EEF2: variants seen among roughly 807,000 people sequenced by gnomAD.
The protein encoded by EEF2 is eukaryotic translation elongation factor 2.
EEF2 carries 21 observed loss-of-function variants against 85.3 expected under a neutral mutation model. That is an observed-to-expected ratio of 0.25 (90% CI 0.17 to 0.35). EEF2 has a LOEUF of 0.35. Ranked by LOEUF, EEF2 falls within the 10% of genes least tolerant of loss-of-function variation. The pLI is 1.00. For synonymous variants in EEF2, 723 were observed against 508.8 expected (o/e 1.42, Z -5.67); for missense variants, 825 against 1,225.3 (o/e 0.67, Z 4.88).
chr19:3,977,912 G>C lies in EEF2; in HGVS notation c.1974C>G (p.Gly658=). ...TGGTGATGTCGGTGAGGATGTTGGG[G>C]CCGGTGCCGTCGGGCCCAAAGCACC... ...KIWCFGPDGT[G]PNILTDITKG... The change falls in exon 12 of 15, where the codon GGC becomes GGG. Residue 658 remains glycine, a synonymous_variant. Transcript: ENST00000309311. This position sits in a 1 kb window ranked among gnomAD's most constrained non-coding sequence, Gnocchi z 5.4. The C allele has an allele frequency of 6.2e-7, 1 of 1,613,652 alleles. No homozygotes were observed. Among genetic ancestry groups the C allele is most frequent in the Middle Eastern group, 1.7e-4 (1 of 6,060 alleles).
intron 4 of EEF2, 144 bp from the exon 5 acceptor site, chr19:3,982,568 C>A (rs200026432): frequency 2.5e-6 from 3 of 1,199,740 alleles, no homozygotes; most frequent in Non-Finnish European, 3.7e-6. Flanking sequence ...TCAGTCATCA[C>A]GAATAGGGGG....
chr19:3,982,850 G>C lies in EEF2; in HGVS notation c.569C>G (p.Ser190Cys), dbSNP rs758785964. ...GCCGCTCTCGCCCTCGCCGTAGGTGGAGATGATGACGTTCACGTTCTCCAC... is the reference window on the plus strand; with the variant it reads ...GCCGCTCTCGCCCTCGCCGTAGGTGCAGATGATGACGTTCACGTTCTCCAC... ...RIVENVNVIISTYGEGESGPM... is the reference protein window; with the variant it reads ...RIVENVNVIICTYGEGESGPM... Residue 190 changes from serine (S) to cysteine (C), a missense_variant, in exon 4 of 15, where the codon TCC (serine) becomes TGC (cysteine). Physicochemically the swap from Ser to Cys is moderately radical, Grantham distance 112 (BLOSUM62 -1). Coordinates refer to ENST00000309311, the MANE Select transcript of EEF2 (RefSeq NM_001961.4). The C allele has an allele frequency of 6.2e-7, 1 of 1,613,526 alleles. No individual in the cohort carries two copies. Among genetic ancestry groups the C allele is most frequent in the South Asian group, 1.1e-5 (1 of 91,004 alleles).
chr19:3,982,768 G>A (rs770568466), intron 4 of EEF2, 39 bp downstream of exon 4: 74 of 1,580,094 alleles, frequency 4.7e-5, no homozygotes, highest in Admixed American at 7.1e-5. Context: ...TGCAGATCCC[G>A]CTGCGGCAAG....
intron 1 of EEF2, 96 bp downstream of exon 1, chr19:3,985,274 GTCTCCTCC>G: frequency 7.9e-7 from 1 of 1,258,052 alleles, no homozygotes; most frequent in South Asian, 2.2e-5. Context: ...CCGCCGCTAC[GTCTCCTCC>G]TGGCACGGGG....
chr19:3,984,048 AGT>A, intron 2 of EEF2, 86 bp downstream of exon 2: 1 of 1,415,970 alleles, frequency 7.1e-7, no homozygotes, highest in Non-Finnish European at 9.8e-7. Flanking sequence ...GACGTTGCCA[AGT>A]CTCTCCCCGC....
chr19:3,980,388 C>G (rs1599193807), intron 9 of EEF2, 126 bp downstream of exon 9: 4 of 1,242,806 alleles, frequency 3.2e-6, no homozygotes, highest in Admixed American at 2.8e-5. Context: ...TTGTGGCTGG[C>G]ACAAGTATCA....
At chr19:3,984,063 AC>A in intron 2 of EEF2, 72 bp downstream of exon 2, 1 of 1,541,010 alleles carries the variant, frequency 6.5e-7, no homozygotes, top group Non-Finnish European at 8.9e-7. Context: ...CTCCCCGCGC[AC>A]CCTGGCCCAG....
At chr19:3,980,460 C>G (rs993023581) in intron 9 of EEF2, 54 bp downstream of exon 9, 2 of 1,552,508 alleles carry the variant, frequency 1.3e-6, no homozygotes, top group African/African-American at 2.8e-5. Context: ...AGACTTGGAG[C>G]AGGGCAGGGC....
Position 3,977,202 on chromosome 19 carries a change from G to T in EEF2, c.2383+13C>A. ...CTGCCAGGCTCTGCAGGCCACACCG[G>T]GCAGGCACTCACCAAAGGACTCGTT... On this transcript the variant is annotated intron_variant, in intron 14 of 14. Transcript: ENST00000309311. The surrounding 1 kb of genome is among the most constrained non-coding windows in gnomAD (Gnocchi z 5.4). 6.2e-7 allele frequency: 1 copy of T among 1,612,336 alleles called. No homozygotes were observed. The highest frequency in any genetic ancestry group is 2.2e-5 in the East Asian group (1 of 44,854).
At chr19:3,979,624 C>G (rs562424419) in intron 10 of EEF2, among the ~76,000 whole-genome samples, 184 bp downstream of exon 10, 131 of 152,374 alleles carry the variant, frequency 8.6e-4, no homozygotes, top group African/African-American at 3.0e-3. Flanking sequence ...ACGCGCAGAG[C>G]AGCCTAGGAG....
chr19:3,978,470 T>C (rs1416407076), intron 11 of EEF2, among the ~76,000 whole-genome samples: 2 of 151,934 alleles, frequency 1.3e-5, no homozygotes, highest in Non-Finnish European at 1.5e-5. Context: ...TCCAGAGCAT[T>C]TGTGTTGTTT....
chr19:3,985,342 G>A (rs2039806976), intron 1 of EEF2, 36 bp downstream of exon 1: 3 of 1,456,812 alleles, frequency 2.1e-6, no homozygotes. Flanking sequence ...AGGCCCCGCC[G>A]CCGCTCCGGG....
rs1414568374 is a variant in EEF2 at position 3,977,912 on chromosome 19, G to A, written c.1974C>T (p.Gly658=). 11 of 1,613,534 alleles carry A rather than the reference G, an allele frequency of 6.8e-6. No individual in the cohort carries two copies. Among genetic ancestry groups the A allele is most frequent in the Non-Finnish European group, 9.3e-6 (11 of 1,179,990 alleles). Residue 658 remains glycine, a synonymous_variant, in exon 12 of 15, where the codon GGC becomes GGT. Transcript: ENST00000309311. The surrounding 1 kb of genome is among the most constrained non-coding windows in gnomAD (Gnocchi z 5.4). ...TGGTGATGTCGGTGAGGATGTTGGG[G>A]CCGGTGCCGTCGGGCCCAAAGCACC... ...KIWCFGPDGT[G]PNILTDITKG...
Position 3,983,279 on chromosome 19 carries a change from G to T in EEF2, c.231C>A (p.Leu77=), listed in dbSNP as rs939552108. The T allele has an allele frequency of 1.2e-6, 2 of 1,613,502 alleles. No individual in the cohort carries two copies. Among genetic ancestry groups the T allele is most frequent in the Non-Finnish European group, 1.7e-6 (2 of 1,179,744 alleles). The change falls in exon 3 of 15, where the codon CTC becomes CTA. Residue 77 remains leucine, a synonymous_variant. Coordinates refer to ENST00000309311, the MANE Select transcript of EEF2 (RefSeq NM_001961.4). ...CITIKSTAIS[L]FYELSENDLN... ...AGTCATTCTCCGAGAGCTCGTAGAA[G>T]AGGGAGATGGCACTGATGGAGGGAG... is the stretch of plus-strand genomic sequence containing the variant.
At chr19:3,982,717 T>G in intron 4 of EEF2, 90 bp downstream of exon 4, 1 of 1,419,532 alleles carries the variant, frequency 7.0e-7, no homozygotes, top group Non-Finnish European at 9.6e-7. Flanking sequence ...AAAAACACAC[T>G]TCCAGTCCCC....
chr19:3,980,955 C>A lies in EEF2; in HGVS notation c.1036G>T (p.Ala346Ser). ...ATCATCTGCAACAAGGCGTCTCCGGCAGGCAGCCAGCGGCGCATCACAGCC... is the reference window on the plus strand; with the variant it reads ...ATCATCTGCAACAAGGCGTCTCCGGAAGGCAGCCAGCGGCGCATCACAGCC... ...LKAVMRRWLP[A>S]GDALLQMITI... The change falls in exon 8 of 15, where the codon GCC (alanine) becomes TCC (serine). Residue 346 changes from alanine to serine, a missense_variant. Transcript: ENST00000309311. 6.4e-7 allele frequency: 1 copy of A among 1,574,084 alleles called. No individual in the cohort carries two copies. The highest frequency in any genetic ancestry group is 8.6e-7 in the Non-Finnish European group (1 of 1,160,972).
intron 11 of EEF2, among the ~76,000 whole-genome samples, chr19:3,978,955 C>T (rs2039710764): frequency 6.6e-6 from 1 of 151,758 alleles, no homozygotes; most frequent in Non-Finnish European, 1.5e-5. Context: ...GAAACCCCGC[C>T]TCTACTAAAA....
In EEF2 at chr19:3,981,051, C is replaced by T. The variant is rs2039739844; in HGVS notation, c.1012-72G>A. On this transcript the variant is annotated intron_variant, in intron 7 of 14. Transcript: ENST00000309311. Reference sequence around the variant, plus strand: ...TGGCCCCACCCCGTACACGCTTCCTCTCTTGAAGCCAAGGAAGCCAAAGTC... The same window carrying T: ...TGGCCCCACCCCGTACACGCTTCCTTTCTTGAAGCCAAGGAAGCCAAAGTC... The T allele has an allele frequency of 2.7e-6, 4 of 1,506,652 alleles. No individual in the cohort carries two copies. In the Admixed American group the frequency reaches 8.8e-5, roughly 33 times the overall value. The allele number at this position is 1,506,652 out of a possible 1,614,324, so 93.3% of individuals were successfully genotyped here. A position where few individuals can be genotyped will look rare whatever the true frequency, so the allele number is the denominator to read the frequency against.
chr19:3,979,141 C>A (rs1003549027), intron 11 of EEF2, among the ~76,000 whole-genome samples, 188 bp downstream of exon 11: 7 of 152,032 alleles, frequency 4.6e-5, no homozygotes, highest in African/African-American at 1.7e-4. Context: ...AAAAAAACAA[C>A]AACAACAACA....
Sources: allele counts gnomAD v4.1 joint callset (sites outside exome capture counted in the v4.1 genomes callset), GRCh38; gene constraint gnomAD v4.1.1; non-coding constraint Gnocchi (gnomAD v3.1); transcripts MANE v1.5; gene names NCBI Gene and HGNC (gene_info 2026-07-23, HGNC 2026-07-21).